CXADR: variants seen among roughly 807,000 people sequenced by gnomAD.
The protein encoded by CXADR is CXADR cell adhesion molecule.
Under a neutral mutation model 40.3 loss-of-function variants are expected in CXADR, and 20 were observed. That is an observed-to-expected ratio of 0.50 (90% CI 0.35 to 0.72). CXADR has a LOEUF of 0.72. Ranked by LOEUF, CXADR falls within the 30% of genes least tolerant of loss-of-function variation. The probability of loss-of-function intolerance (pLI) is 0.01; values close to 1 mark genes in which losing one functional copy is unlikely to be tolerated. For missense variants in CXADR, 332 were observed against 449.1 expected (o/e 0.74, Z 2.36); for synonymous variants, 150 against 161.3 (o/e 0.93, Z 0.53).
chr21:17,621,889 A>G, the CXADR span, among the ~76,000 whole-genome samples: 1 of 152,222 alleles, frequency 6.6e-6, no homozygotes, highest in Admixed American at 6.5e-5. Context: ...ACACATTACA[A>G]GTTGTATTAT....
chr21:17,590,104 T>C (rs1397379728), intron 7 of CXADR, among the ~76,000 whole-genome samples: 1 of 152,058 alleles, frequency 6.6e-6, no homozygotes, highest in Non-Finnish European at 1.5e-5. Context: ...CAAATAAACA[T>C]TTTTTAGCCA....
chr21:17,529,570 C>G (rs1292206012), intron 1 of CXADR, among the ~76,000 whole-genome samples: 1 of 152,216 alleles, frequency 6.6e-6, no homozygotes, highest in Admixed American at 6.5e-5. Flanking sequence ...ATCCACCCAC[C>G]TTGGTCTCCC....
intron 1 of CXADR, among the ~76,000 whole-genome samples, chr21:17,545,753 AAT>A (rs761345670): frequency 4.6e-5 from 7 of 150,690 alleles, no homozygotes; most frequent in Admixed American, 1.3e-4. Context: ...TCTCAAAAAT[AAT>A]ATGAGTCAAC....
intron 3 of CXADR, among the ~76,000 whole-genome samples, chr21:17,554,683 G>C (rs1462876202): frequency 6.6e-6 from 1 of 152,166 alleles, no homozygotes; most frequent in Non-Finnish European, 1.5e-5. Flanking sequence ...ATATTCTCTC[G>C]AAGGTGAAAA....
At chr21:17,522,710 TC>T (rs1284675935) in intron 1 of CXADR, among the ~76,000 whole-genome samples, 2 of 152,216 alleles carry the variant, frequency 1.3e-5, no homozygotes, top group African/African-American at 2.4e-5. Flanking sequence ...ATTCCTCATT[TC>T]CTTTTGTATG....
At position 17,592,395 on chromosome 21, in the gene CXADR, T is replaced by G. The variant is rs567919201; in HGVS notation, c.1018-757T>G. On this transcript the variant is annotated intron_variant, in intron 7 of 7. Transcript: ENST00000400169. ...ATGCAATGTAGTTATATTTTAAAAT[T>G]TGTATTTTTTTAATTTTTGAGTATT... Among the ~76,000 whole-genome samples the G allele has an allele frequency of 1.5e-4, 17 of 110,408 alleles. No individual in the cohort carries two copies. The South Asian group carries it at 4.2e-3, about 27-fold the overall frequency. The allele number at this position is 110,408 out of a possible 152,430, so 72.4% of individuals were successfully genotyped here. A position where few individuals can be genotyped will look rare whatever the true frequency, so the allele number is the denominator to read the frequency against.
At chr21:17,586,261 G>A (rs1477744297) in intron 7 of CXADR, among the ~76,000 whole-genome samples, 1 of 151,600 alleles carries the variant, frequency 6.6e-6, no homozygotes, top group Admixed American at 6.6e-5. Context: ...TGTATATAGT[G>A]ACATTAATTC....
the CXADR span, among the ~76,000 whole-genome samples, chr21:17,599,631 C>A: frequency 0.022 from 3,301 of 152,190 alleles, 115 homozygotes; most frequent in African/African-American, 0.073. Flanking sequence ...AGGTGCCCAC[C>A]ACCACGCCCA....
chr21:17,514,418 G>T (rs1675033040), intron 1 of CXADR, among the ~76,000 whole-genome samples: 1 of 152,056 alleles, frequency 6.6e-6, no homozygotes. Context: ...GACTTGGCGG[G>T]CTGAAATGTC....
the CXADR span, among the ~76,000 whole-genome samples, chr21:17,619,159 G>C: frequency 2.0e-5 from 3 of 152,098 alleles, no homozygotes; most frequent in Non-Finnish European, 4.4e-5. Context: ...AGGGCCCTAG[G>C]GTTTTCAGAA....
At chr21:17,579,147 AAG>A (rs1337851031) in intron 7 of CXADR, among the ~76,000 whole-genome samples, 3 of 152,208 alleles carry the variant, frequency 2.0e-5, no homozygotes, top group African/African-American at 7.2e-5. Flanking sequence ...AGGCTGTGGA[AAG>A]AGAGCCTGGA....
chr21:17,565,357 T>G (rs2061191172), intron 6 of CXADR, 71 bp from the exon 7 acceptor site: 1 of 1,507,920 alleles, frequency 6.6e-7, no homozygotes, highest in Non-Finnish European at 9.1e-7. Flanking sequence ...TATCCATGAT[T>G]CATAGCTTGC....
the CXADR span, among the ~76,000 whole-genome samples, chr21:17,599,372 G>A: frequency 5.3e-4 from 81 of 151,884 alleles, no homozygotes; most frequent in African/African-American, 1.9e-3. Context: ...TAGAGACAGG[G>A]TTTCACCATG....
At chr21:17,612,125 GA>G in the CXADR span, 1 of 152,330 alleles carries the variant, frequency 6.6e-6, no homozygotes, top group Non-Finnish European at 1.5e-5. Flanking sequence ...ACCCGCTCTT[GA>G]AAGAACCGCC....
the CXADR span, among the ~76,000 whole-genome samples, chr21:17,614,429 C>A: frequency 6.6e-6 from 1 of 152,156 alleles, no homozygotes; most frequent in African/African-American, 2.4e-5. Context: ...GAACCTGAAA[C>A]CCAATTTCAA....
chr21:17,519,834 C>T (rs2060506775), intron 1 of CXADR, among the ~76,000 whole-genome samples: 1 of 152,100 alleles, frequency 6.6e-6, no homozygotes, highest in African/African-American at 2.4e-5. Context: ...TGATGTGCGT[C>T]TGTAATCCCA....
At chr21:17,605,091 T>A in the CXADR span, 1 of 1,375,258 alleles carries the variant, frequency 7.3e-7, no homozygotes, top group Non-Finnish European at 9.8e-7. Flanking sequence ...AGTAATAAAA[T>A]AGTAATAAAA....
chr21:17,599,051 T>G, the CXADR span: 9 of 390,892 alleles, frequency 2.3e-5, no homozygotes, highest in Non-Finnish European at 3.6e-5. Flanking sequence ...AACCCCATTT[T>G]CTTTCCCTTA....
At chr21:17,579,654 A>C (rs2123376423) in intron 7 of CXADR, among the ~76,000 whole-genome samples, 1 of 152,314 alleles carries the variant, frequency 6.6e-6, no homozygotes, top group Middle Eastern at 3.4e-3. Flanking sequence ...AGGGCAGGGT[A>C]AGAAGACAGA....
Sources: gnomAD v4.1 joint callset for allele counts (sites outside exome capture counted in the v4.1 genomes callset) on GRCh38, gnomAD v4.1.1 for gene constraint, MANE v1.5 for transcripts, NCBI Gene and HGNC (gene_info 2026-07-23, HGNC 2026-07-21) for gene names.